Variants in LOC122539214 observed in about 807,000 individuals in gnomAD.
chr19:52,665,936 A>G, the LOC122539214 span, among the ~76,000 whole-genome samples: 1 of 152,008 alleles, frequency 6.6e-6, no homozygotes, highest in Non-Finnish European at 1.5e-5. Context: ...TGAGGTGGGC[A>G]AATCACGAGG....
At chr19:52,687,587 T>C in the LOC122539214 span, among the ~76,000 whole-genome samples, 20 of 45,356 alleles carry the variant, frequency 4.4e-4, no homozygotes, top group African/African-American at 4.7e-3. Flanking sequence ...TTTATATATA[T>C]ATATATATAA....
At chr19:52,662,032 G>A in the LOC122539214 span, among the ~76,000 whole-genome samples, 5 of 151,038 alleles carry the variant, frequency 3.3e-5, no homozygotes, top group Admixed American at 3.4e-4. Flanking sequence ...GACACAGGCA[G>A]GAGATGAGAT....
chr19:52,680,558 G>A, the LOC122539214 span, among the ~76,000 whole-genome samples: 3 of 150,740 alleles, frequency 2.0e-5, no homozygotes, highest in Non-Finnish European at 4.4e-5. Flanking sequence ...AGGTATTTTG[G>A]CACATTTTTT....
the LOC122539214 span, chr19:52,651,603 A>C: frequency 6.6e-6 from 1 of 150,888 alleles, no homozygotes; most frequent in East Asian, 1.9e-4. Flanking sequence ...GAATTGCTTG[A>C]ATGCAGGAGG....
the LOC122539214 span, among the ~76,000 whole-genome samples, chr19:52,657,090 T>TG: frequency 1.3e-5 from 2 of 151,936 alleles, no homozygotes. Context: ...CACTCCAGCC[T>TG]GGGGGACACA....
the LOC122539214 span, among the ~76,000 whole-genome samples, chr19:52,677,216 A>ACATATTATACACC: frequency 6.6e-6 from 1 of 151,398 alleles, no homozygotes; most frequent in Admixed American, 6.6e-5. Context: ...ATCAGCCTGC[A>ACATATTATACACC]GTTCACACCA....
At chr19:52,655,743 CA>C in the LOC122539214 span, 1 of 720,638 alleles carries the variant, frequency 1.4e-6, no homozygotes, top group Non-Finnish European at 2.4e-6. Flanking sequence ...TACCTTCACA[CA>C]AAATGAGAAA....
chr19:52,665,339 G>C, the LOC122539214 span, among the ~76,000 whole-genome samples: 1 of 151,922 alleles, frequency 6.6e-6, no homozygotes, highest in Non-Finnish European at 1.5e-5. Flanking sequence ...TAGCTGAGCT[G>C]GGAAGTCCAG....
chr19:52,676,487 G>A, the LOC122539214 span, among the ~76,000 whole-genome samples: 10 of 151,622 alleles, frequency 6.6e-5, no homozygotes, highest in East Asian at 2.0e-4. Flanking sequence ...TAGCCTCCCC[G>A]TCCGGGAGGG....
At chr19:52,657,069 T>C in the LOC122539214 span, among the ~76,000 whole-genome samples, 1 of 151,878 alleles carries the variant, frequency 6.6e-6, no homozygotes, top group African/African-American at 2.4e-5. Flanking sequence ...TGATCCAAGA[T>C]TGCACCACTG....
chr19:52,655,637 C>T, the LOC122539214 span: 8 of 1,426,694 alleles, frequency 5.6e-6, no homozygotes, highest in African/African-American at 1.1e-4. Context: ...TCAGGCATTT[C>T]CACTCCTCCA....
the LOC122539214 span, among the ~76,000 whole-genome samples, chr19:52,689,808 C>T: frequency 2.0e-5 from 3 of 152,208 alleles, no homozygotes; most frequent in African/African-American, 7.2e-5. Context: ...TGGAGTAAGA[C>T]GCCTGCATCC....
chr19:52,661,911 CAG>C, the LOC122539214 span, among the ~76,000 whole-genome samples: 39,267 of 151,934 alleles, frequency 0.26, 5,316 homozygotes, highest in Middle Eastern at 0.35. Context: ...GCTGATGGGA[CAG>C]AGAGTCCTAG....
At chr19:52,676,423 C>A in the LOC122539214 span, among the ~76,000 whole-genome samples, 2 of 152,188 alleles carry the variant, frequency 1.3e-5, no homozygotes, top group African/African-American at 4.8e-5. Flanking sequence ...AAGTGAGGAG[C>A]GTCTCTGCCT....
the LOC122539214 span, among the ~76,000 whole-genome samples, chr19:52,680,354 C>A: frequency 3.9e-5 from 6 of 152,086 alleles, no homozygotes; most frequent in South Asian, 2.1e-4. Context: ...AAGCCCTCTG[C>A]GCAGGGTTCA....
the LOC122539214 span, among the ~76,000 whole-genome samples, chr19:52,656,039 A>T: frequency 6.6e-6 from 1 of 151,954 alleles, no homozygotes; most frequent in Non-Finnish European, 1.5e-5. Flanking sequence ...GGTGAAACCA[A>T]GTCTCTACTG....
the LOC122539214 span, chr19:52,653,303 C>G: frequency 5.7e-5 from 78 of 1,362,152 alleles, no homozygotes; most frequent in Admixed American, 5.0e-4. Flanking sequence ...TTACCACATT[C>G]ATTACATGTG....
At chr19:52,686,569 ATTTTTT>A in the LOC122539214 span, among the ~76,000 whole-genome samples, 1 of 151,022 alleles carries the variant, frequency 6.6e-6, no homozygotes, top group Non-Finnish European at 1.5e-5. Flanking sequence ...TTTATTTTTT[ATTTTTT>A]GTTTGTTTGT....
the LOC122539214 span, chr19:52,654,458 T>G: frequency 1.4e-6 from 1 of 697,036 alleles, no homozygotes; most frequent in African/African-American, 1.8e-5. Context: ...GTAAATAATA[T>G]TTAATACTGA....
Sources: gnomAD v4.1 joint callset for allele counts (sites outside exome capture counted in the v4.1 genomes callset) on GRCh38, gnomAD v4.1.1 for gene constraint, MANE v1.5 for transcripts.